The following SLC27A5 variants were observed in gnomAD, a reference collection of about 807,000 sequenced individuals.
SLC27A5 encodes long-chain fatty acid transport protein 5.
In SLC27A5, 47 loss-of-function variants were observed where a neutral mutation model predicts 63.1. That is an observed-to-expected ratio of 0.74 (90% CI 0.59 to 0.95). The LOEUF (loss-of-function observed/expected upper bound fraction) is 0.95, where lower values mean the gene tolerates loss of function less well. Among genes scored for constraint, SLC27A5 ranks in the 40% least tolerant of loss-of-function variants. The pLI, the probability that SLC27A5 is intolerant of heterozygous loss-of-function variation, is 0.00. For missense variants in SLC27A5, 940 were observed against 921.0 expected (o/e 1.02, Z -0.27); for synonymous variants, 391 against 403.8 (o/e 0.97, Z 0.38).
At position 58,499,118 on chromosome 19, in the gene SLC27A5, C is replaced by T; in HGVS notation, c.1765+5G>A. The T allele has an allele frequency of 6.2e-7, 1 of 1,613,924 alleles. No individual in the cohort carries two copies. The highest frequency in any genetic ancestry group is 1.3e-5 in the African/African-American group (1 of 75,052). Reference sequence around the variant, plus strand: ...TTGGAAGTTTAAAATGAGAACCCTCCGCACCTGGCACGCACACGCCATACA... The same window carrying T: ...TTGGAAGTTTAAAATGAGAACCCTCTGCACCTGGCACGCACACGCCATACA... On this transcript the variant is annotated splice_donor_5th_base_variant and intron_variant, in intron 8 of 9. Coordinates refer to ENST00000263093, the MANE Select transcript of SLC27A5 (RefSeq NM_012254.3).
chr19:58,511,667 T>C lies in SLC27A5; in HGVS notation c.289A>G (p.Ile97Val). ...CTGATCTTCAGGCCCAGGTGGAGGA[T>C]CTTGGCCAAGAAGATCACATCAGCC... Reference protein sequence around the residue: ...LPADVIFLAKILHLGLKIRGC... With the variant: ...LPADVIFLAKVLHLGLKIRGC... The change falls in exon 1 of 10, where the codon ATC (isoleucine) becomes GTC (valine). Residue 97 changes from isoleucine (I) to valine (V), a missense_variant. Ile to Val is a conservative substitution (Grantham distance 29). Coordinates refer to ENST00000263093, the MANE Select transcript of SLC27A5 (RefSeq NM_012254.3). 1 of 1,592,016 alleles carries C rather than the reference T, an allele frequency of 6.3e-7. No homozygotes were observed. Among genetic ancestry groups the C allele is most frequent in the Non-Finnish European group, 8.6e-7 (1 of 1,169,336 alleles).
rs2053239178 is a variant in SLC27A5 at position 58,498,859 on chromosome 19, C to G, written c.1822G>C (p.Asp608His). Residue 608 changes from aspartate to histidine, a missense_variant, in exon 9 of 10, where the codon GAC (aspartate) becomes CAC (histidine). Transcript: ENST00000263093. ...AVQLAPGQTFDGEKLYQHVRA... is the reference protein window; with the variant it reads ...AVQLAPGQTFHGEKLYQHVRA... ...ACGTGCTGGTACAACTTCTCCCCGTCGAAAGTCTGGCCGGGGGCTAGCTGC... is the reference window on the plus strand; with the variant it reads ...ACGTGCTGGTACAACTTCTCCCCGTGGAAAGTCTGGCCGGGGGCTAGCTGC... 2 of 1,613,772 alleles carry G rather than the reference C, an allele frequency of 1.2e-6. No homozygotes were observed. The highest frequency in any genetic ancestry group is 1.7e-6 in the Non-Finnish European group (2 of 1,180,042).
In SLC27A5 at chr19:58,511,577, G is replaced by C. The variant is rs544860361; in HGVS notation, c.379C>G (p.Gln127Glu). 1.3e-6 allele frequency: 2 copies of C among 1,568,628 alleles called. No individual in the cohort carries two copies. Among genetic ancestry groups the C allele is most frequent in the Admixed American group, 3.6e-5 (2 of 55,348 alleles). The change falls in exon 1 of 10, where the codon CAG (glutamine) becomes GAG (glutamate). Residue 127 changes from glutamine (Q) to glutamate (E), a missense_variant. Coordinates refer to ENST00000263093, the MANE Select transcript of SLC27A5 (RefSeq NM_012254.3). ...VDAFERRARAQPGRALLVWTG... is the reference protein window; with the variant it reads ...VDAFERRARAEPGRALLVWTG... Reference sequence around the variant, plus strand: ...CACACCAAGAGTGCCCTGCCAGGCTGCGCTCGTGCTCGCCGCTCGAAGGCA... The same window carrying C: ...CACACCAAGAGTGCCCTGCCAGGCTCCGCTCGTGCTCGCCGCTCGAAGGCA...
chr19:58,507,079 C>T (rs539326923), intron 3 of SLC27A5, among the ~76,000 whole-genome samples: 89 of 150,990 alleles, frequency 5.9e-4, no homozygotes, highest in African/African-American at 1.9e-3. Flanking sequence ...AAAAATTTGG[C>T]CGGGCGCGGT....
intron 6 of SLC27A5, 106 bp from the exon 7 acceptor site, chr19:58,499,796 A>G (rs2053253253): frequency 1.9e-6 from 2 of 1,069,814 alleles, no homozygotes; most frequent in Admixed American, 2.3e-5. Flanking sequence ...CCTGCCAAGG[A>G]CAGACCCAAA....
rs771381046 is a variant in SLC27A5, at chr19:58,511,421, C to T, written c.535G>A (p.Val179Met). The change falls in exon 1 of 10, where the codon GTG (valine) becomes ATG (methionine). Residue 179 changes from valine (V) to methionine (M), a missense_variant. Val to Met is a conservative substitution (Grantham distance 21). Transcript: ENST00000263093. ...GCTGGAACGGCCTGGGAAGCCAGCA[C>T]AAGGAGGGCAGTAGGCTCCCCGGCA... ...LCAGEPTALLVLASQAVPALC... is the reference protein window; with the variant it reads ...LCAGEPTALLMLASQAVPALC... 2 of 1,606,548 alleles carry T rather than the reference C, an allele frequency of 1.2e-6. No individual in the cohort carries two copies. Among genetic ancestry groups the T allele is most frequent in the East Asian group, 2.2e-5 (1 of 44,624 alleles).
rs2122491135 is a variant in SLC27A5 at position 58,500,548 on chromosome 19, G to A, written c.1341C>T (p.Arg447=). 1 of 1,614,124 alleles carries A rather than the reference G, an allele frequency of 6.2e-7. No individual in the cohort carries two copies. Among genetic ancestry groups the A allele is most frequent in the East Asian group, 2.2e-5 (1 of 44,886 alleles). The part of the protein sequence containing the change: ...GNMGLVNYVG[R]CGALGKMSCL... ...AGCTCATCTTGCCCAGGGCCCCGCA[G>A]CGCCCCACATAGTTGACTAAGCCCA... The change falls in exon 5 of 10, where the codon CGC becomes CGT. Residue 447 remains arginine, a synonymous_variant. Transcript: ENST00000263093.
chr19:58,509,776 C>G (rs2053388265), intron 3 of SLC27A5, 71 bp downstream of exon 3: 1 of 1,436,236 alleles, frequency 7.0e-7, no homozygotes, highest in Non-Finnish European at 9.3e-7. Context: ...GTCTTTTTGC[C>G]TTGACAGCCC....
rs201004329 is a variant in SLC27A5 at position 58,501,307 on chromosome 19, C to A, written c.1161G>T (p.Arg387=). ...TCACCTGGGGAATGTTACACAAGTA[C>A]CGCAGGAGCTCGCCCACATACAGGA... is the stretch of plus-strand genomic sequence containing the variant. The part of the protein sequence containing the change: ...TVILYVGELL[R]YLCNIPQQPE... The change falls in exon 4 of 10, where the codon CGG becomes CGT. Residue 387 remains arginine (R), a synonymous_variant. Coordinates refer to ENST00000263093, the MANE Select transcript of SLC27A5 (RefSeq NM_012254.3). The A allele has an allele frequency of 1.2e-5, 20 of 1,613,556 alleles. No individual in the cohort carries two copies. Among genetic ancestry groups the A allele is most frequent in the Non-Finnish European group, 1.7e-5 (20 of 1,179,744 alleles).
chr19:58,507,341 C>T (rs1243486283), intron 3 of SLC27A5: 1 of 152,518 alleles, frequency 6.6e-6, no homozygotes, highest in Non-Finnish European at 1.5e-5. Flanking sequence ...GGAGCCACGG[C>T]AGAGGAACAT....
Position 58,499,532 on chromosome 19 carries a change from C to T in SLC27A5, c.1627G>A (p.Gly543Ser), listed in dbSNP as rs372746529. The T allele has an allele frequency of 6.2e-7, 1 of 1,613,124 alleles. No homozygotes were observed. The highest frequency in any genetic ancestry group is 1.7e-5 in the Admixed American group (1 of 60,018). Residue 543 changes from glycine (G) to serine (S), a missense_variant, in exon 7 of 10, where the codon GGC (glycine) becomes AGC (serine). Coordinates refer to ENST00000263093, the MANE Select transcript of SLC27A5 (RefSeq NM_012254.3). The stretch of plus-strand genomic sequence containing the variant: ...AGGCGGTCGCGGAAGTAGAGGAAGC[C>T]TTCGCGGTCCATGGCCAGTACGTCC... ...TGDVLAMDRE[G>S]FLYFRDRLGD...
intron 3 of SLC27A5, among the ~76,000 whole-genome samples, chr19:58,505,187 C>T (rs1023296385): frequency 2.7e-5 from 4 of 149,606 alleles, no homozygotes; most frequent in East Asian, 2.0e-4. Context: ...GCAACCCCTG[C>T]GCCCCGGGTT....
At chr19:58,507,414 CCTGT>C (rs1414989005) in intron 3 of SLC27A5, 2 of 152,162 alleles carry the variant, frequency 1.3e-5, no homozygotes, top group African/African-American at 4.8e-5. Flanking sequence ...ATTTCTTACG[CCTGT>C]CTTACTTTCA....
rs201393670 is a variant in SLC27A5, at chr19:58,498,571, G to A, written c.2017C>T (p.Arg673Trp). Residue 673 changes from arginine to tryptophan, a missense_variant, in exon 10 of 10, where the codon CGG becomes TGG. Coordinates refer to ENST00000263093, the MANE Select transcript of SLC27A5 (RefSeq NM_012254.3). ...TGGTACATTTCTGCCGTCAGGGGCC[G>A]GAAGGACTGGGCCCGGTTGTCCAGT... ...FVLDNRAQSFRPLTAEMYQAV... is the reference protein window; with the variant it reads ...FVLDNRAQSFWPLTAEMYQAV... The A allele has an allele frequency of 5.1e-5, 82 of 1,613,882 alleles. No individual in the cohort carries two copies. Among genetic ancestry groups the A allele is most frequent in the Non-Finnish European group, 6.3e-5 (74 of 1,179,980 alleles).
chr19:58,498,939 C>T, intron 8 of SLC27A5, 24 bp from the exon 9 acceptor site: 1 of 1,604,366 alleles, frequency 6.2e-7, no homozygotes, highest in Non-Finnish European at 8.5e-7. Context: ...TGGTCACTCT[C>T]GGCTGACCCA....
At chr19:58,503,570 G>A (rs2122504099) in intron 3 of SLC27A5, among the ~76,000 whole-genome samples, 1 of 152,154 alleles carries the variant, frequency 6.6e-6, no homozygotes, top group Non-Finnish European at 1.5e-5. Flanking sequence ...GGCTGAGGTG[G>A]AAGAATCGCT....
At chr19:58,509,681 A>G in intron 3 of SLC27A5, 166 bp downstream of exon 3, 1 of 595,362 alleles carries the variant, frequency 1.7e-6, no homozygotes, top group Non-Finnish European at 2.8e-6. Context: ...GTGGGTGTCC[A>G]AGCTTCTGTC....
At chr19:58,503,115 G>T (rs1227566744) in intron 3 of SLC27A5, among the ~76,000 whole-genome samples, 3 of 151,822 alleles carry the variant, frequency 2.0e-5, no homozygotes, top group African/African-American at 7.3e-5. Flanking sequence ...TGAGGCAGGA[G>T]AATGGCGTGA....
chr19:58,500,693 C>T lies in SLC27A5; in HGVS notation c.1196G>A (p.Arg399Gln), dbSNP rs148488764. 1.6e-4 allele frequency: 264 copies of T among 1,613,514 alleles called. 1 individual carries two copies. The highest frequency in any genetic ancestry group is 1.3e-3 in the Admixed American group (76 of 59,998). The change falls in exon 5 of 10, where the codon CGG becomes CAG. Residue 399 changes from arginine (R) to glutamine (Q), a missense_variant. Transcript: ENST00000263093. ...CATTGCCAGGCGGACTGTATGTGTC[C>T]GGTCCTCTGGTTGCTACAGGAATGT... ...LCNIPQQPED[R>Q]THTVRLAMGN...
Sources: allele counts gnomAD v4.1 joint callset (sites outside exome capture counted in the v4.1 genomes callset), GRCh38; gene constraint gnomAD v4.1.1; transcripts MANE v1.5; gene names NCBI Gene and HGNC (gene_info 2026-07-23, HGNC 2026-07-21).